The following DLG1 variants were observed in gnomAD, a reference collection of about 807,000 sequenced individuals.
The protein encoded by DLG1 is disks large homolog 1.
DLG1 carries 42 observed loss-of-function variants against 123.4 expected under a neutral mutation model. The observed-to-expected ratio is 0.34, with a 90% CI of 0.27 to 0.44. The LOEUF (loss-of-function observed/expected upper bound fraction) is 0.44. DLG1 is among the 20% of genes least tolerant of loss of function. DLG1 has a pLI of 1.00. For synonymous variants in DLG1, 317 were observed against 356.2 expected, an observed-to-expected ratio of 0.89 and a Z score of 1.24; for missense variants, 942 against 1,082.6, an observed-to-expected ratio of 0.87 and a Z score of 1.82.
rs1378870825 is a variant in DLG1 at position 197,223,398 on chromosome 3, TA to T, written c.319-28810del. On this transcript the variant is annotated intron_variant, in intron 4 of 24. Transcript: ENST00000667157. Reference sequence around the variant, plus strand: ...AATCTATTACTGTAACCTTCTTGGATAAATGTCTCATAAAGAACAGAATGGT... The same window carrying T: ...AATCTATTACTGTAACCTTCTTGGATAATGTCTCATAAAGAACAGAATGGT... Among the ~76,000 whole-genome samples the T allele has an allele frequency of 5.3e-5, 8 of 152,340 alleles. No individual in the cohort carries two copies. The East Asian group carries it at 1.5e-3, about 29-fold the overall frequency.
chr3:197,163,961 A>G (rs1800007484), intron 5 of DLG1, among the ~76,000 whole-genome samples: 1 of 152,144 alleles, frequency 6.6e-6, no homozygotes, highest in South Asian at 2.1e-4. Flanking sequence ...AGTTATACAT[A>G]TTTTACCAAT....
At chr3:197,284,645 T>C (rs1770938879) in intron 3 of DLG1, among the ~76,000 whole-genome samples, 1 of 152,164 alleles carries the variant, frequency 6.6e-6, no homozygotes, top group Non-Finnish European at 1.5e-5. Flanking sequence ...ATTACATTTT[T>C]ATTTACTACC....
intron 5 of DLG1, among the ~76,000 whole-genome samples, chr3:197,154,600 G>A (rs929534114): frequency 8.6e-5 from 13 of 151,664 alleles, no homozygotes; most frequent in African/African-American, 2.9e-4. Flanking sequence ...GCGTGAACCC[G>A]GGAGGCGGAG....
At chr3:197,262,370 C>G (rs1173721712) in intron 4 of DLG1, among the ~76,000 whole-genome samples, 1 of 152,218 alleles carries the variant, frequency 6.6e-6, no homozygotes, top group Non-Finnish European at 1.5e-5. Flanking sequence ...GAAGCTCCTG[C>G]ACTTGGGACC....
intron 5 of DLG1, among the ~76,000 whole-genome samples, chr3:197,151,524 G>A (rs757804537): frequency 1.6e-4 from 24 of 152,170 alleles, no homozygotes; most frequent in Non-Finnish European, 2.5e-4. Flanking sequence ...GGAAGGTTGG[G>A]AGTAGGAGGG....
chr3:197,115,433 T>G (rs989617238), intron 13 of DLG1, among the ~76,000 whole-genome samples: 2 of 151,906 alleles, frequency 1.3e-5, no homozygotes, highest in African/African-American at 4.8e-5. Flanking sequence ...AAACCACTAT[T>G]ATAAATCAAG....
At chr3:197,196,237 A>C (rs965150164) in intron 4 of DLG1, among the ~76,000 whole-genome samples, 2 of 151,706 alleles carry the variant, frequency 1.3e-5, no homozygotes, top group East Asian at 3.9e-4. Context: ...GTTACTATAC[A>C]ACCTCCAGTA....
chr3:197,282,813 C>A lies in DLG1; in HGVS notation c.184G>T (p.Asp62Tyr). Reference sequence around the variant, plus strand: ...GAACGATCTATACATTTTGGATTATCCAGTAAGGTCACTTCATAAAATTCT... The same window carrying A: ...GAACGATCTATACATTTTGGATTATACAGTAAGGTCACTTCATAAAATTCT... ...IQEFYEVTLL[D>Y]NPKCIDRSKP... The change falls in exon 4 of 25, where the codon GAT becomes TAT. Residue 62 changes from aspartate to tyrosine, a missense_variant. Transcript: ENST00000667157. 1 of 1,589,864 alleles carries A rather than the reference C, an allele frequency of 6.3e-7. No homozygotes were observed.
chr3:197,070,223 G>C (rs1742676795), intron 18 of DLG1: 1 of 149,078 alleles, frequency 6.7e-6, no homozygotes, highest in African/African-American at 2.5e-5. Flanking sequence ...AGGGAAATCT[G>C]AATTTTTATT....
chr3:197,099,446 A>G (rs1055010896), intron 14 of DLG1, among the ~76,000 whole-genome samples: 1 of 152,232 alleles, frequency 6.6e-6, no homozygotes, highest in African/African-American at 2.4e-5. Context: ...CAGCAAAGCT[A>G]TAATTTTACA....
intron 11 of DLG1, among the ~76,000 whole-genome samples, chr3:197,123,386 C>T (rs1315756910): frequency 6.6e-6 from 1 of 152,152 alleles, no homozygotes; most frequent in Admixed American, 6.5e-5. Context: ...TTCTCAAATA[C>T]ATAAAACTTC....
intron 17 of DLG1, among the ~76,000 whole-genome samples, chr3:197,079,915 A>G (rs1180318367): frequency 6.6e-6 from 1 of 152,142 alleles, no homozygotes; most frequent in Non-Finnish European, 1.5e-5. Context: ...GATACCAGAG[A>G]TGTACAGAGT....
intron 4 of DLG1, among the ~76,000 whole-genome samples, chr3:197,217,910 GT>G (rs1471055620): frequency 6.6e-6 from 1 of 152,092 alleles, no homozygotes; most frequent in Admixed American, 6.5e-5. Flanking sequence ...TAAAGACGCT[GT>G]ACTTTTTTAA....
chr3:197,297,116 C>G, intron 2 of DLG1, 70 bp downstream of exon 2: 3 of 1,546,566 alleles, frequency 1.9e-6, no homozygotes, highest in Non-Finnish European at 2.7e-6. Flanking sequence ...GATTCTAAAA[C>G]GGCAATCAAA....
intron 4 of DLG1, among the ~76,000 whole-genome samples, chr3:197,281,018 G>A (rs1422368754): frequency 7.1e-6 from 1 of 139,974 alleles, no homozygotes; most frequent in Non-Finnish European, 1.5e-5. Flanking sequence ...TTTTTGTGGA[G>A]GCTCTTTTTT....
chr3:197,253,810 G>A (rs1291035769), intron 4 of DLG1, among the ~76,000 whole-genome samples: 1 of 152,010 alleles, frequency 6.6e-6, no homozygotes, highest in Non-Finnish European at 1.5e-5. Context: ...GTGATACTAT[G>A]CTAGAGTTAC....
At chr3:197,175,928 T>C (rs1392748945) in intron 5 of DLG1, among the ~76,000 whole-genome samples, 4 of 152,168 alleles carry the variant, frequency 2.6e-5, no homozygotes, top group Non-Finnish European at 5.9e-5. Context: ...TTCAGCACTG[T>C]TATTAACACA....
At chr3:197,071,000 TATTAG>T (rs1484995864) in intron 18 of DLG1, 1 of 152,200 alleles carries the variant, frequency 6.6e-6, no homozygotes, top group African/African-American at 2.4e-5. Flanking sequence ...CCTCGCTATT[TATTAG>T]ATATTTTTAT....
At chr3:197,288,123 T>C (rs924255090) in intron 3 of DLG1, among the ~76,000 whole-genome samples, 1 of 151,726 alleles carries the variant, frequency 6.6e-6, no homozygotes, top group Admixed American at 6.6e-5. Flanking sequence ...CCCAGCACTT[T>C]GGGAGCCTGA....
Sources: allele counts gnomAD v4.1 joint callset (sites outside exome capture counted in the v4.1 genomes callset), GRCh38; gene constraint gnomAD v4.1.1; transcripts MANE v1.5; gene names NCBI Gene and HGNC (gene_info 2026-07-23, HGNC 2026-07-21).